Variants in SMPD3 observed in about 807,000 individuals in gnomAD.
SMPD3 encodes sphingomyelin phosphodiesterase 3, also known as nSMase-2.
In SMPD3, 21 loss-of-function variants were observed where a neutral mutation model predicts 55.7. The observed-to-expected ratio is 0.38, with a 90% CI of 0.27 to 0.54. SMPD3 has a LOEUF of 0.54. Among genes scored for constraint, SMPD3 ranks in the 20% least tolerant of loss-of-function variants. SMPD3 has a pLI of 0.80. For synonymous variants in SMPD3, 457 were observed against 404.3 expected (o/e 1.13, Z -1.56); for missense variants, 842 against 899.6 (o/e 0.94, Z 0.82).
intron 7 of SMPD3, among the ~76,000 whole-genome samples, chr16:68,361,969 T>A (rs2089296474): frequency 6.6e-6 from 1 of 152,300 alleles, no homozygotes; most frequent in South Asian, 2.1e-4. Context: ...GAATCTGGGC[T>A]CCGGAGCCCG....
At chr16:68,386,886 C>T (rs2090061171) in intron 1 of SMPD3, among the ~76,000 whole-genome samples, 1 of 152,098 alleles carries the variant, frequency 6.6e-6, no homozygotes, top group Non-Finnish European at 1.5e-5. Context: ...GTTTGTGTGA[C>T]AGATTTTCAA....
chr16:68,363,362 A>T (rs2089372701), intron 7 of SMPD3, 134 bp downstream of exon 7: 1 of 978,984 alleles, frequency 1.0e-6, no homozygotes. Flanking sequence ...CAAAGGTGAG[A>T]TGAGGGACAG....
chr16:68,363,575 G>T lies in SMPD3; in HGVS notation c.1646-16C>A. ...AGCAGAGTACCTGGGGGGGACGAGG[G>T]GGTGACAGTGGTCGCTGCAGGCAGG... On this transcript the variant is annotated splice_polypyrimidine_tract_variant and intron_variant, in intron 6 of 8. Coordinates refer to ENST00000219334, the MANE Select transcript of SMPD3 (RefSeq NM_018667.4). 6.2e-7 allele frequency: 1 copy of T among 1,611,004 alleles called. No homozygotes were observed. The highest frequency in any genetic ancestry group is 8.5e-7 in the Non-Finnish European group (1 of 1,178,496).
chr16:68,405,053 G>T (rs573239863), intron 1 of SMPD3, among the ~76,000 whole-genome samples: 1 of 152,268 alleles, frequency 6.6e-6, no homozygotes, highest in African/African-American at 2.4e-5. Context: ...TATCATTTGT[G>T]GCATCTGCCC....
intron 1 of SMPD3, among the ~76,000 whole-genome samples, chr16:68,408,407 A>T (rs182713441): frequency 3.6e-4 from 55 of 152,354 alleles, no homozygotes; most frequent in Admixed American, 3.6e-3. Context: ...ATTATTTGTG[A>T]ATTTATACAA....
intron 1 of SMPD3, among the ~76,000 whole-genome samples, chr16:68,413,483 T>C (rs117051918): frequency 2.6e-3 from 400 of 152,330 alleles, no homozygotes; most frequent in Middle Eastern, 0.01. Context: ...CCTTTGATGA[T>C]GAGAGGCTCT....
chr16:68,373,189 C>T (rs1287448701), intron 2 of SMPD3, among the ~76,000 whole-genome samples: 2 of 152,222 alleles, frequency 1.3e-5, no homozygotes. Context: ...ACCGCTGTCC[C>T]TCATGTACTC....
chr16:68,434,306 A>G (rs921329179), intron 1 of SMPD3, among the ~76,000 whole-genome samples: 1 of 152,210 alleles, frequency 6.6e-6, no homozygotes, highest in African/African-American at 2.4e-5. Context: ...TCTAACGGTA[A>G]CAAATTTTGC....
At position 68,399,660 on chromosome 16, in the gene SMPD3, T is replaced by C. The variant is rs1055796289; in HGVS notation, c.-268-13001A>G. Among the ~76,000 whole-genome samples, 9 of 152,138 alleles carry C rather than the reference T, an allele frequency of 5.9e-5. No homozygotes were observed. In the South Asian group the frequency reaches 1.2e-3, roughly 21 times the overall value. ...CAAGTGGGTGGGGAGGAAGGAAGAATGATGGTCAGACCCCCCACTGGCCAT... is the reference window on the plus strand; with the variant it reads ...CAAGTGGGTGGGGAGGAAGGAAGAACGATGGTCAGACCCCCCACTGGCCAT... On this transcript the variant is annotated intron_variant, in intron 1 of 8. Coordinates refer to ENST00000219334, the MANE Select transcript of SMPD3 (RefSeq NM_018667.4).
At position 68,372,254 on chromosome 16, in the gene SMPD3, A is replaced by G; in HGVS notation, c.-73T>C. The G allele has an allele frequency of 1.9e-6, 3 of 1,561,250 alleles. No homozygotes were observed. The highest frequency in any genetic ancestry group is 2.6e-6 in the Non-Finnish European group (3 of 1,153,022). On this transcript the variant is annotated 5_prime_UTR_variant, in exon 3 of 9. Coordinates refer to ENST00000219334, the MANE Select transcript of SMPD3 (RefSeq NM_018667.4). ...GCAGCTGCGGGCACTTTCCTGGGCG[A>G]GGGTGGGCGAGTTGGGGGCAGCTGG...
At chr16:68,406,215 T>C (rs1474149227) in intron 1 of SMPD3, among the ~76,000 whole-genome samples, 2 of 152,224 alleles carry the variant, frequency 1.3e-5, no homozygotes, top group Non-Finnish European at 2.9e-5. Context: ...TATTTGCCAT[T>C]TATCTAAATT....
rs953936172 is a variant in SMPD3, at chr16:68,415,995, T to G, written c.-268-29336A>C. Among the ~76,000 whole-genome samples, 5 of 152,222 alleles carry G rather than the reference T, an allele frequency of 3.3e-5. 1 individual carries two copies. The Middle Eastern group carries it at 0.017, about 518-fold the overall frequency. ...TGAAATGATTGATTATCCATTAGGG[T>G]AGCTATTTAAAGAGTTCATCACATC... On this transcript the variant is annotated intron_variant, in intron 1 of 8. Transcript: ENST00000219334.
intron 1 of SMPD3, among the ~76,000 whole-genome samples, chr16:68,386,935 G>A (rs1001631344): frequency 6.6e-6 from 1 of 152,160 alleles, no homozygotes; most frequent in East Asian, 1.9e-4. Flanking sequence ...CTGAGGGTGG[G>A]ATGGATGAGC....
intron 1 of SMPD3, among the ~76,000 whole-genome samples, chr16:68,424,690 A>G (rs568635898): frequency 6.6e-6 from 1 of 152,082 alleles, no homozygotes; most frequent in East Asian, 1.9e-4. Context: ...TGTCTTCATG[A>G]CTCTATTATA....
At position 68,370,883 on chromosome 16, in the gene SMPD3, G is replaced by A. The variant is rs1597603617; in HGVS notation, c.1299C>T (p.Ala433=). 6.2e-7 allele frequency: 1 copy of A among 1,613,884 alleles called. No individual in the cohort carries two copies. Among genetic ancestry groups the A allele is most frequent in the Non-Finnish European group, 8.5e-7 (1 of 1,179,892 alleles). Residue 433 remains alanine, a synonymous_variant, in exon 3 of 9, where the codon GCC becomes GCT. Transcript: ENST00000219334. ...YPNKCNDDAL[A]SKGALFLKVQ... is the part of the protein sequence containing the mutation. ...CCTTGAGAAACAGAGCTCCCTTAGA[G>A]GCCAGGGCATCGTCGTTACACTTGT... is the stretch of plus-strand genomic sequence containing the variant.
At chr16:68,365,770 C>T (rs2089461571) in intron 3 of SMPD3, among the ~76,000 whole-genome samples, 1 of 152,210 alleles carries the variant, frequency 6.6e-6, no homozygotes, top group African/African-American at 2.4e-5. Context: ...TCCCCTCTGC[C>T]CCGACCTCCT....
At position 68,360,687 on chromosome 16, in the gene SMPD3, GGCC is replaced by G. The variant is rs1253664102; in HGVS notation, c.*516_*518del. On this transcript the variant is annotated 3_prime_UTR_variant, in exon 9 of 9. Transcript: ENST00000219334. ...CCACACTGGAGGCGGGAGAGCTGGT[GGCC>G]GTGCCCAGGAAGTGCTTCTTTGGCT... is the stretch of plus-strand genomic sequence containing the variant. 1 of 156,606 alleles carries G rather than the reference GGCC, an allele frequency of 6.4e-6. No individual in the cohort carries two copies. The highest frequency in any genetic ancestry group is 1.4e-5 in the Non-Finnish European group (1 of 70,568). 9.7% of individuals were successfully genotyped at this position (156,606 alleles called of 1,614,324 possible). A position where few individuals can be genotyped will look rare whatever the true frequency, so the allele number is the denominator to read the frequency against.
chr16:68,416,772 G>A (rs2090342979), intron 1 of SMPD3, among the ~76,000 whole-genome samples: 1 of 152,100 alleles, frequency 6.6e-6, no homozygotes, highest in Non-Finnish European at 1.5e-5. Flanking sequence ...AGCCCTATCT[G>A]TCCGGTGGGT....
chr16:68,401,091 G>C (rs1180478146), intron 1 of SMPD3, among the ~76,000 whole-genome samples: 1 of 152,202 alleles, frequency 6.6e-6, no homozygotes, highest in East Asian at 1.9e-4. Context: ...CAGAAGTACA[G>C]AGTCTTGAAT....
Sources: gnomAD v4.1 joint callset for allele counts (sites outside exome capture counted in the v4.1 genomes callset) on GRCh38, gnomAD v4.1.1 for gene constraint, MANE v1.5 for transcripts, NCBI Gene and HGNC (gene_info 2026-07-23, HGNC 2026-07-21) for gene names.